The following RABGEF1 variants were observed in gnomAD, a reference collection of about 807,000 sequenced individuals.
RABGEF1 encodes RAB guanine nucleotide exchange factor 1.
Under a neutral mutation model 57.3 loss-of-function variants are expected in RABGEF1, and 26 were observed. That is an observed-to-expected ratio of 0.45 (90% CI 0.33 to 0.63). The LOEUF is 0.63. RABGEF1 is among the 20% of genes least tolerant of loss of function. The pLI is 0.02. For synonymous variants in RABGEF1, 185 were observed against 210.7 expected, an observed-to-expected ratio of 0.88 and a Z score of 1.06; for missense variants, 464 against 607.6, an observed-to-expected ratio of 0.76 and a Z score of 2.48.
At chr7:66,655,506 T>C in the RABGEF1 span, among the ~76,000 whole-genome samples, 9 of 152,092 alleles carry the variant, frequency 5.9e-5, no homozygotes, top group African/African-American at 1.7e-4. Flanking sequence ...AGAGCTACTT[T>C]CCCCCCCTAA....
At chr7:66,708,541 T>C (rs1383703644) in intron 1 of RABGEF1, among the ~76,000 whole-genome samples, 1 of 152,104 alleles carries the variant, frequency 6.6e-6, no homozygotes, top group East Asian at 1.9e-4. Context: ...CGTCCACCTC[T>C]ACCTCCCAAA....
At chr7:66,777,924 A>G (rs915852064) in intron 3 of RABGEF1, among the ~76,000 whole-genome samples, 10 of 152,060 alleles carry the variant, frequency 6.6e-5, no homozygotes, top group African/African-American at 2.4e-4. Context: ...TGTACTTTAG[A>G]TTGTTTGTTC....
chr7:66,708,237 T>A (rs1269438352), intron 1 of RABGEF1, among the ~76,000 whole-genome samples: 1 of 152,032 alleles, frequency 6.6e-6, no homozygotes, highest in Admixed American at 6.6e-5. Context: ...TGCCCTGGGA[T>A]AACAATTAAC....
At chr7:66,662,523 AC>A in the RABGEF1 span, among the ~76,000 whole-genome samples, 1 of 152,162 alleles carries the variant, frequency 6.6e-6, no homozygotes, top group Non-Finnish European at 1.5e-5. Flanking sequence ...GCTGACATCA[AC>A]CCCATGGATC....
At chr7:66,706,433 C>T (rs1360002499) in intron 1 of RABGEF1, among the ~76,000 whole-genome samples, 2 of 152,132 alleles carry the variant, frequency 1.3e-5, no homozygotes, top group African/African-American at 4.8e-5. Flanking sequence ...TGTTTTTAGA[C>T]GGAGTCTCGC....
chr7:66,693,098 G>T (rs936456010), intron 1 of RABGEF1, among the ~76,000 whole-genome samples: 1 of 152,192 alleles, frequency 6.6e-6, no homozygotes, highest in Admixed American at 6.5e-5. Flanking sequence ...CGTTCTAGAA[G>T]CCCTGAGCGG....
At chr7:66,796,248 AG>A (rs199912713) in intron 5 of RABGEF1, among the ~76,000 whole-genome samples, 5,474 of 152,090 alleles carry the variant, frequency 0.036, 149 homozygotes, top group East Asian at 0.075. Context: ...TAAAAAAAAA[AG>A]AGCTTCAAGT....
At chr7:66,785,175 A>G (rs1584091618) in intron 4 of RABGEF1, among the ~76,000 whole-genome samples, 1 of 152,236 alleles carries the variant, frequency 6.6e-6, no homozygotes, top group South Asian at 2.1e-4. Context: ...ATACTAAAGT[A>G]AAGAGGTAAT....
intron 1 of RABGEF1, among the ~76,000 whole-genome samples, chr7:66,742,046 G>T (rs1161226360): frequency 6.6e-6 from 1 of 152,058 alleles, no homozygotes; most frequent in Non-Finnish European, 1.5e-5. Context: ...AGCTACTCTG[G>T]AGGCTGAGGC....
chr7:66,664,777 G>A, the RABGEF1 span, among the ~76,000 whole-genome samples: 2 of 152,344 alleles, frequency 1.3e-5, no homozygotes, highest in South Asian at 4.1e-4. Flanking sequence ...CGCTTAAGTA[G>A]CTTCCTGTCA....
intron 1 of RABGEF1, among the ~76,000 whole-genome samples, chr7:66,684,530 C>T (rs1312639942): frequency 1.1e-4 from 16 of 152,194 alleles, no homozygotes; most frequent in Admixed American, 1.0e-3. Flanking sequence ...ACACAGCTAA[C>T]TGCAACCTCT....
At chr7:66,801,382 T>C (rs976338837) in intron 7 of RABGEF1, among the ~76,000 whole-genome samples, 1 of 152,218 alleles carries the variant, frequency 6.6e-6, no homozygotes, top group African/African-American at 2.4e-5. Flanking sequence ...GCTTTTGTAT[T>C]ACAGAGAATC....
chr7:66,707,931 C>G (rs1794329828), intron 1 of RABGEF1, among the ~76,000 whole-genome samples: 1 of 152,100 alleles, frequency 6.6e-6, no homozygotes, highest in South Asian at 2.1e-4. Context: ...TATAGCCACT[C>G]TAGCTCTCTT....
chr7:66,794,991 A>G (rs542128362), intron 4 of RABGEF1, among the ~76,000 whole-genome samples: 2 of 152,338 alleles, frequency 1.3e-5, no homozygotes, highest in East Asian at 3.9e-4. Flanking sequence ...AAAGAATGAG[A>G]TGGTCATGGT....
intron 1 of RABGEF1, among the ~76,000 whole-genome samples, chr7:66,753,036 G>A (rs1801793794): frequency 6.6e-6 from 1 of 152,198 alleles, no homozygotes; most frequent in Admixed American, 6.5e-5. Context: ...GCAAGTAATT[G>A]TAATAGGACA....
At chr7:66,804,013 GTAGC>G (rs1787882169) in intron 7 of RABGEF1, among the ~76,000 whole-genome samples, 1 of 151,926 alleles carries the variant, frequency 6.6e-6, no homozygotes, top group African/African-American at 2.4e-5. Context: ...TGTGATTTCT[GTAGC>G]TAGTGGAGAT....
intron 2 of RABGEF1, among the ~76,000 whole-genome samples, chr7:66,731,567 A>AT (rs1246324177): frequency 6.6e-6 from 1 of 152,048 alleles, no homozygotes; most frequent in Non-Finnish European, 1.5e-5. Flanking sequence ...AAAAAAAAAA[A>AT]TTAGCTGGGT....
chr7:66,774,787 T>A (rs1390184773), intron 2 of RABGEF1, among the ~76,000 whole-genome samples: 1 of 152,186 alleles, frequency 6.6e-6, no homozygotes. Flanking sequence ...GGATCCTATT[T>A]ATCCTTTAAG....
At position 66,775,347 on chromosome 7, in the gene RABGEF1, A is replaced by G. The variant is rs1437257707; in HGVS notation, c.300A>G (p.Thr100=). The G allele has an allele frequency of 1.2e-6, 2 of 1,613,870 alleles. No homozygotes were observed. Among genetic ancestry groups the G allele is most frequent in the East Asian group, 4.5e-5 (2 of 44,896 alleles). ...KTNEKTRKVT[T]VKKFFSASSR... The stretch of plus-strand genomic sequence containing the variant: ...ACGAGAAGACCCGCAAGGTTACCAC[A>G]GTGAAGAAATTCTTCAGTGCATCTT... The change falls in exon 3 of 9, where the codon ACA becomes ACG. Residue 100 remains threonine (T), a synonymous_variant. Coordinates refer to ENST00000284957, the MANE Select transcript of RABGEF1 (RefSeq NM_014504.3).
Sources: allele counts gnomAD v4.1 joint callset (sites outside exome capture counted in the v4.1 genomes callset), GRCh38; gene constraint gnomAD v4.1.1; transcripts MANE v1.5; gene names NCBI Gene and HGNC (gene_info 2026-07-23, HGNC 2026-07-21).